STXBP6: variants seen among roughly 807,000 people sequenced by gnomAD.
STXBP6 encodes the protein syntaxin-binding protein 6.
In STXBP6, 21 loss-of-function variants were observed where a neutral mutation model predicts 26.9. The observed-to-expected ratio is 0.78, with a 90% CI of 0.55 to 1.12. STXBP6 has a LOEUF of 1.12. Among genes scored for constraint, STXBP6 ranks in the 50% most tolerant of loss-of-function variants. STXBP6 has a pLI of 0.00. For synonymous variants in STXBP6, 97 were observed against 92.6 expected, an observed-to-expected ratio of 1.05 and a Z score of -0.27; for missense variants, 232 against 257.9, an observed-to-expected ratio of 0.90 and a Z score of 0.69.
At position 24,811,172 on chromosome 14, in the gene STXBP6, G is replaced by T. The variant is rs898728310; in HGVS notation, c.*1537C>A. On this transcript the variant is annotated 3_prime_UTR_variant, in exon 6 of 6. Transcript: ENST00000323944. ...ATCTCCCTTTTAATGTGCACCATCT[G>T]ATATTTTTACCCCCAGTAGACAAAC... 1 of 152,046 alleles carries T rather than the reference G, an allele frequency of 6.6e-6. No homozygotes were observed. The highest frequency in any genetic ancestry group is 2.4e-5 in the African/African-American group (1 of 41,384). The allele number at this position is 152,046 out of a possible 1,614,324, so 9.4% of individuals were successfully genotyped here. A position where few individuals can be genotyped will look rare whatever the true frequency, so the allele number is the denominator to read the frequency against.
At chr14:25,004,812 C>T (rs1320645858) in intron 1 of STXBP6, among the ~76,000 whole-genome samples, 6 of 152,176 alleles carry the variant, frequency 3.9e-5, no homozygotes, top group African/African-American at 7.2e-5. Context: ...CTGGGGAGTG[C>T]GCAGCAAGAA....
intron 2 of STXBP6, among the ~76,000 whole-genome samples, chr14:24,885,614 T>C (rs369033499): frequency 9.2e-5 from 14 of 152,248 alleles, no homozygotes; most frequent in African/African-American, 3.4e-4. Context: ...GTCACAGCAA[T>C]TGCACTTGTT....
chr14:24,846,741 T>G (rs1407824297), intron 4 of STXBP6, among the ~76,000 whole-genome samples: 1 of 152,186 alleles, frequency 6.6e-6, no homozygotes, highest in Non-Finnish European at 1.5e-5. Context: ...GAAGGATAAG[T>G]AAGGAATGTT....
At chr14:24,925,670 T>C (rs1255325597) in intron 2 of STXBP6, among the ~76,000 whole-genome samples, 3 of 152,192 alleles carry the variant, frequency 2.0e-5, no homozygotes, top group Non-Finnish European at 4.4e-5. Context: ...ATTCCACTTT[T>C]AAGGATTAAC....
At chr14:24,819,828 G>A (rs570347238) in intron 4 of STXBP6, among the ~76,000 whole-genome samples, 7 of 152,244 alleles carry the variant, frequency 4.6e-5, no homozygotes, top group Admixed American at 2.0e-4. Flanking sequence ...ACCATGGCTC[G>A]GATGGTTGGG....
At chr14:24,951,527 G>A (rs1326560620) in intron 2 of STXBP6, among the ~76,000 whole-genome samples, 7 of 152,164 alleles carry the variant, frequency 4.6e-5, no homozygotes, top group Non-Finnish European at 1.5e-5. Context: ...CTTCTTTTGA[G>A]AAATGTCTGT....
chr14:24,977,470 A>G (rs2140220190), intron 1 of STXBP6, among the ~76,000 whole-genome samples: 1 of 152,282 alleles, frequency 6.6e-6, no homozygotes, highest in East Asian at 1.9e-4. Flanking sequence ...TTCATGGAGC[A>G]CAAGTTTTAG....
intron 1 of STXBP6, among the ~76,000 whole-genome samples, chr14:25,045,694 C>CT (rs2075716611): frequency 6.6e-6 from 1 of 151,298 alleles, no homozygotes. Context: ...ACCTTCGTCT[C>CT]CCAGATTCAA....
intron 1 of STXBP6, among the ~76,000 whole-genome samples, 166 bp from the exon 2 acceptor site, chr14:24,975,016 A>T (rs905991831): frequency 6.6e-6 from 1 of 152,220 alleles, no homozygotes; most frequent in Non-Finnish European, 1.5e-5. Flanking sequence ...AGGTCTTCAT[A>T]TTTGTAATAA....
chr14:24,907,071 C>T (rs1673427892), intron 2 of STXBP6, among the ~76,000 whole-genome samples: 1 of 151,952 alleles, frequency 6.6e-6, no homozygotes, highest in Admixed American at 6.6e-5. Flanking sequence ...TACAAAAATA[C>T]AGTTGGAAGG....
At chr14:24,911,547 C>T (rs139534502) in intron 2 of STXBP6, among the ~76,000 whole-genome samples, 1 of 152,242 alleles carries the variant, frequency 6.6e-6, no homozygotes, top group Non-Finnish European at 1.5e-5. Context: ...ACTATAGATA[C>T]CAGCTTCTCA....
chr14:24,985,704 G>T (rs1218359864), intron 1 of STXBP6, among the ~76,000 whole-genome samples: 1 of 152,188 alleles, frequency 6.6e-6, no homozygotes, highest in African/African-American at 2.4e-5. Flanking sequence ...ATCTCAGCAA[G>T]ATATTCACAA....
intron 2 of STXBP6, among the ~76,000 whole-genome samples, chr14:24,882,325 G>A (rs1399042243): frequency 1.6e-5 from 2 of 125,070 alleles, no homozygotes; most frequent in South Asian, 2.9e-4. Flanking sequence ...CTTGCAGTGA[G>A]CCGAGATCCC....
chr14:24,817,855 A>G, intron 5 of STXBP6: 2 of 351,912 alleles, frequency 5.7e-6, no homozygotes, highest in Non-Finnish European at 1.1e-5. Context: ...GCAACAGTGC[A>G]GTAAGACCCT....
chr14:24,821,259 T>C (rs1293193993), intron 4 of STXBP6, among the ~76,000 whole-genome samples: 2 of 152,246 alleles, frequency 1.3e-5, no homozygotes, highest in East Asian at 3.8e-4. Flanking sequence ...AAAAGGATTT[T>C]AGAATTAGCT....
At chr14:24,879,841 G>A (rs1381111862) in intron 2 of STXBP6, among the ~76,000 whole-genome samples, 2 of 152,134 alleles carry the variant, frequency 1.3e-5, no homozygotes, top group Non-Finnish European at 2.9e-5. Context: ...CAGTGGTAGG[G>A]CAGCTCCTGA....
chr14:24,865,869 T>C (rs545892507), intron 2 of STXBP6, among the ~76,000 whole-genome samples: 2 of 152,224 alleles, frequency 1.3e-5, no homozygotes, highest in African/African-American at 4.8e-5. Context: ...AGTGAACTAT[T>C]GGACAGTTCT....
At chr14:24,818,839 A>G (rs1270156061) in intron 5 of STXBP6, among the ~76,000 whole-genome samples, 198 bp downstream of exon 5, 1 of 152,218 alleles carries the variant, frequency 6.6e-6, no homozygotes, top group African/African-American at 2.4e-5. Flanking sequence ...AGGACATTAG[A>G]AAAGAGCCAA....
At chr14:24,834,295 A>G (rs1166115390) in intron 4 of STXBP6, among the ~76,000 whole-genome samples, 1 of 152,182 alleles carries the variant, frequency 6.6e-6, no homozygotes, top group Non-Finnish European at 1.5e-5. Flanking sequence ...CACCCAGCCT[A>G]AGAGAATAAA....
Sources: gnomAD v4.1 joint callset for allele counts (sites outside exome capture counted in the v4.1 genomes callset) on GRCh38, gnomAD v4.1.1 for gene constraint, MANE v1.5 for transcripts, NCBI Gene and HGNC (gene_info 2026-07-23, HGNC 2026-07-21) for gene names.